SORCS1: variants seen among roughly 807,000 people sequenced by gnomAD.
The protein encoded by SORCS1 is VPS10 domain-containing receptor SorCS1.
A neutral mutation model predicts 146.1 loss-of-function variants in SORCS1; 60 were observed. The ratio of observed to expected loss-of-function variants is 0.41; its 90% CI spans 0.33 to 0.51. SORCS1 has a LOEUF of 0.51. SORCS1 is among the 20% of genes least tolerant of loss of function. The pLI, the probability that SORCS1 is intolerant of heterozygous loss-of-function variation, is 0.21. For missense variants in SORCS1, 1,352 were observed against 1,487.6 expected (o/e 0.91, Z 1.50); for synonymous variants, 637 against 584.0 (o/e 1.09, Z -1.31).
intron 6 of SORCS1, 114 bp downstream of exon 6, chr10:106,729,936 C>T: frequency 1.6e-6 from 2 of 1,281,502 alleles, no homozygotes; most frequent in Non-Finnish European, 2.2e-6. Context: ...CCTCAGAAAC[C>T]ACACATCCAC....
At chr10:106,821,233 A>T (rs1948006584) in intron 3 of SORCS1, among the ~76,000 whole-genome samples, 2 of 152,240 alleles carry the variant, frequency 1.3e-5, no homozygotes, top group African/African-American at 4.8e-5. Context: ...TAATATTTAG[A>T]GAGTAATTTA....
intron 1 of SORCS1, among the ~76,000 whole-genome samples, chr10:107,119,156 A>C (rs565537961): frequency 6.6e-6 from 1 of 152,262 alleles, no homozygotes; most frequent in East Asian, 1.9e-4. Flanking sequence ...AAGTGAAAGG[A>C]AAAGGCAAAA....
intron 6 of SORCS1, among the ~76,000 whole-genome samples, chr10:106,721,278 A>T (rs1023240581): frequency 2.0e-5 from 3 of 151,826 alleles, no homozygotes; most frequent in Non-Finnish European, 4.4e-5. Context: ...TAAATTGACT[A>T]AAAAAAAGAT....
At chr10:106,927,437 G>C (rs1291092065) in intron 2 of SORCS1, among the ~76,000 whole-genome samples, 1 of 152,144 alleles carries the variant, frequency 6.6e-6, no homozygotes, top group Non-Finnish European at 1.5e-5. Flanking sequence ...GAGTGTTACA[G>C]CTCATAAAGG....
In SORCS1 at chr10:106,736,602, T is replaced by TTAAAAAAAAAAAAAAAA. The variant is rs1433395056; in HGVS notation, c.960-6489_960-6488insTTTTTTTTTTTTTTTTA. On this transcript the variant is annotated intron_variant, in intron 5 of 25. Coordinates refer to ENST00000263054, the MANE Select transcript of SORCS1 (RefSeq NM_052918.5). ...AAAACATCATCAAGATAACCCTGGT[T>TTAAAAAAAAAAAAAAAA]AAAAAAAAAAAAAAAAAAAGATAAC... Among the ~76,000 whole-genome samples the TTAAAAAAAAAAAAAAAA allele has an allele frequency of 5.9e-3, 228 of 38,688 alleles. 4 individuals carry two copies. Among genetic ancestry groups the TTAAAAAAAAAAAAAAAA allele is most frequent in the African/African-American group, 0.015 (217 of 14,364 alleles). The allele number at this position is 38,688 out of a possible 152,430, so 25.4% of individuals were successfully genotyped here.
rs144115021 is a variant in SORCS1 at position 106,731,958 on chromosome 10, G to T, written c.960-1844C>A. Among the ~76,000 whole-genome samples the T allele has an allele frequency of 2.2e-3, 336 of 152,210 alleles. 2 individuals carry two copies. Among genetic ancestry groups the T allele is most frequent in the African/African-American group, 7.8e-3 (324 of 41,552 alleles). ...AGAAAGAAAGCGAAGGGGCTATAAA[G>T]GTCTGCGGGTTTTCTGAAGTAAGTA... On this transcript the variant is annotated intron_variant, in intron 5 of 25. Transcript: ENST00000263054.
At chr10:106,743,908 C>T (rs575684188) in intron 5 of SORCS1, among the ~76,000 whole-genome samples, 1 of 152,122 alleles carries the variant, frequency 6.6e-6, no homozygotes, top group South Asian at 2.1e-4. Context: ...GCTGTTAATC[C>T]TTCAGTACTT....
intron 8 of SORCS1, among the ~76,000 whole-genome samples, chr10:106,705,720 C>T (rs1311118272): frequency 6.6e-6 from 1 of 152,142 alleles, no homozygotes; most frequent in African/African-American, 2.4e-5. Flanking sequence ...AGCAAGATCG[C>T]AAATACACAG....
intron 2 of SORCS1, among the ~76,000 whole-genome samples, chr10:106,841,424 C>T (rs1949034423): frequency 6.6e-6 from 1 of 151,994 alleles, no homozygotes; most frequent in Non-Finnish European, 1.5e-5. Context: ...GAGCCAAGAT[C>T]ACAGCACTGC....
intron 24 of SORCS1, among the ~76,000 whole-genome samples, chr10:106,593,465 T>TTATG (rs1031420264): frequency 3.3e-4 from 51 of 152,274 alleles, no homozygotes; most frequent in African/African-American, 1.2e-3. Context: ...CTCTAATGCG[T>TTATG]TATGACCAGC....
At chr10:106,975,207 C>T (rs530739173) in intron 1 of SORCS1, among the ~76,000 whole-genome samples, 42 of 152,326 alleles carry the variant, frequency 2.8e-4, no homozygotes, top group African/African-American at 8.9e-4. Flanking sequence ...ATTTCCCAAC[C>T]TTACCTTAAA....
intron 2 of SORCS1, among the ~76,000 whole-genome samples, chr10:106,875,007 T>A (rs1950545002): frequency 6.6e-6 from 1 of 152,172 alleles, no homozygotes; most frequent in African/African-American, 2.4e-5. Flanking sequence ...TGATTTTTGG[T>A]TGCATGGATG....
At chr10:106,915,561 A>T (rs577146965) in intron 2 of SORCS1, among the ~76,000 whole-genome samples, 26 of 150,988 alleles carry the variant, frequency 1.7e-4, no homozygotes, top group African/African-American at 6.1e-4. Context: ...TCCCAGGCCC[A>T]CTCTACTCTA....
intron 25 of SORCS1, 78 bp from the exon 26 acceptor site, chr10:106,577,633 C>T (rs1451268535): frequency 1.3e-5 from 21 of 1,581,064 alleles, no homozygotes; most frequent in East Asian, 9.0e-5. Flanking sequence ...CAATGTGCTG[C>T]GATATCTTCC....
chr10:106,691,887 T>C (rs2135677451), intron 9 of SORCS1, among the ~76,000 whole-genome samples: 1 of 151,796 alleles, frequency 6.6e-6, no homozygotes, highest in South Asian at 2.1e-4. Context: ...CTCCTTATGC[T>C]CTTTATCATA....
chr10:106,700,801 T>C (rs1300592239), intron 8 of SORCS1, among the ~76,000 whole-genome samples: 2 of 152,202 alleles, frequency 1.3e-5, no homozygotes, highest in Non-Finnish European at 2.9e-5. Context: ...GGGCTTTATA[T>C]TCCTCACCTC....
intron 25 of SORCS1, chr10:106,578,795 C>T (rs1844718357): frequency 1.9e-5 from 23 of 1,231,320 alleles, no homozygotes; most frequent in Non-Finnish European, 2.0e-5. Context: ...AAAGCAAATG[C>T]TTTGCTCTTT....
At chr10:107,144,176 T>C (rs1440438781) in intron 1 of SORCS1, among the ~76,000 whole-genome samples, 1 of 152,158 alleles carries the variant, frequency 6.6e-6, no homozygotes, top group Non-Finnish European at 1.5e-5. Flanking sequence ...GATATCTTCT[T>C]CAAAACCTTT....
At chr10:106,961,568 C>G (rs773707445) in intron 1 of SORCS1, among the ~76,000 whole-genome samples, 2 of 152,188 alleles carry the variant, frequency 1.3e-5, no homozygotes, top group Non-Finnish European at 2.9e-5. Flanking sequence ...ACAGAAAGTG[C>G]GATGGAAGTG....
Sources: allele counts gnomAD v4.1 joint callset (sites outside exome capture counted in the v4.1 genomes callset), GRCh38; gene constraint gnomAD v4.1.1; transcripts MANE v1.5; gene names NCBI Gene and HGNC (gene_info 2026-07-23, HGNC 2026-07-21).